Variants in TMEM114 observed in about 807,000 individuals in gnomAD.
TMEM114 encodes the protein transmembrane protein 114.
Under a neutral mutation model 6.2 loss-of-function variants are expected in TMEM114, and 6 were observed. The ratio of observed to expected loss-of-function variants is 0.97; its 90% CI spans 0.53 to 1.91. TMEM114 has a LOEUF of 1.91. Among genes scored for constraint, TMEM114 ranks in the 40% most tolerant of loss-of-function variants. The pLI, the probability that TMEM114 is intolerant of heterozygous loss-of-function variation, is 0.01. For missense variants in TMEM114, 218 were observed against 158.3 expected (o/e 1.38, Z -2.02); for synonymous variants, 104 against 73.0 (o/e 1.42, Z -2.16).
intron 2 of TMEM114, among the ~76,000 whole-genome samples, chr16:8,558,958 T>A (rs953235216): frequency 1.3e-5 from 2 of 151,826 alleles, no homozygotes; most frequent in Non-Finnish European, 2.9e-5. Context: ...TTAGCCAGGA[T>A]GGTCTCGATC....
At chr16:8,528,062 C>G in the TMEM114 span, among the ~76,000 whole-genome samples, 1 of 152,078 alleles carries the variant, frequency 6.6e-6, no homozygotes, top group African/African-American at 2.4e-5. Flanking sequence ...GCATGTGCCA[C>G]CATGCCCGGC....
intron 2 of TMEM114, among the ~76,000 whole-genome samples, chr16:8,580,885 T>C (rs1180558356): frequency 2.0e-5 from 3 of 152,072 alleles, no homozygotes; most frequent in African/African-American, 7.2e-5. Flanking sequence ...AGAGACAGCG[T>C]TTCACCATGT....
At chr16:8,580,749 G>A (rs1459184447) in intron 2 of TMEM114, among the ~76,000 whole-genome samples, 1 of 152,022 alleles carries the variant, frequency 6.6e-6, no homozygotes, top group Admixed American at 6.6e-5. Flanking sequence ...GAAGTGCCGT[G>A]GGCCTTATCT....
rs945850063 is a variant in TMEM114, at chr16:8,589,467, G to A, written c.220+152C>T. Among the ~76,000 whole-genome samples, 101 of 152,298 alleles carry A rather than the reference G, an allele frequency of 6.6e-4. No homozygotes were observed. The Middle Eastern group carries it at 0.014, about 21-fold the overall frequency. On this transcript the variant is annotated intron_variant, in intron 1 of 3. Transcript: ENST00000620492. ...CTCTCGGAAGGGTTTTCGCAGTCCC[G>A]GCCTTCTGCTCACCTTCCCCCCGAG...
downstream of TMEM114, among the ~76,000 whole-genome samples, chr16:8,568,424 G>C (rs943393368): frequency 2.6e-5 from 4 of 152,040 alleles, no homozygotes; most frequent in African/African-American, 9.7e-5. Context: ...GTGTCATGTC[G>C]TTGTGGTGGT....
At chr16:8,568,816 T>C (rs1280911072), downstream of TMEM114, among the ~76,000 whole-genome samples, 1 of 152,170 alleles carries the variant, frequency 6.6e-6, no homozygotes, top group Non-Finnish European at 1.5e-5. Context: ...ACACCAGCCC[T>C]AGAGAATATC....
chr16:8,577,432 T>C (rs1468340777), intron 2 of TMEM114, among the ~76,000 whole-genome samples: 3 of 152,166 alleles, frequency 2.0e-5, no homozygotes, highest in Non-Finnish European at 4.4e-5. Context: ...AGCCAGACAC[T>C]CTTACTCACC....
chr16:8,579,315 G>T (rs987669525), intron 2 of TMEM114, among the ~76,000 whole-genome samples: 2 of 152,102 alleles, frequency 1.3e-5, no homozygotes, highest in Non-Finnish European at 2.9e-5. Flanking sequence ...AAAGAAGAAG[G>T]TCCCAGGATC....
At chr16:8,582,794 G>T (rs1202948494) in intron 2 of TMEM114, among the ~76,000 whole-genome samples, 2 of 152,194 alleles carry the variant, frequency 1.3e-5, no homozygotes, top group Non-Finnish European at 2.9e-5. Context: ...GAAGGCTGAG[G>T]CAGGAGGCTC....
chr16:8,549,447 C>A (rs1900774720), intron 2 of TMEM114, among the ~76,000 whole-genome samples: 1 of 144,962 alleles, frequency 6.9e-6, no homozygotes, highest in Non-Finnish European at 1.5e-5. Flanking sequence ...TTGCAGTGAG[C>A]CACGATTGAG....
At chr16:8,539,459 G>A (rs1408029997) in intron 2 of TMEM114, among the ~76,000 whole-genome samples, 2 of 152,126 alleles carry the variant, frequency 1.3e-5, no homozygotes, top group African/African-American at 2.4e-5. Context: ...CCAGAGGAGG[G>A]CTCTGCCTCC....
At chr16:8,572,265 C>G (rs1278933939) in intron 2 of TMEM114, 41 bp from the exon 3 acceptor site, 3 of 1,550,760 alleles carry the variant, frequency 1.9e-6, no homozygotes, top group African/African-American at 2.7e-5. Context: ...AGGACAGTTA[C>G]TAACATCCTT....
chr16:8,557,486 C>G (rs1033535338), intron 2 of TMEM114, among the ~76,000 whole-genome samples: 1 of 152,204 alleles, frequency 6.6e-6, no homozygotes, highest in African/African-American at 2.4e-5. Context: ...GAGGACAAAC[C>G]ACAATCGCCC....
Position 8,589,262 on chromosome 16 carries a change from G to A in TMEM114, c.252C>T (p.Pro84=), listed in dbSNP as rs1323694690. The A allele has an allele frequency of 2.5e-5, 10 of 398,872 alleles. No individual in the cohort carries two copies. The South Asian group carries it at 7.6e-4, about 30-fold the overall frequency. The allele number at this position is 398,872 out of a possible 1,614,324, so 24.7% of individuals were successfully genotyped here. A position where few individuals can be genotyped will look rare whatever the true frequency, so the allele number is the denominator to read the frequency against. The change falls in exon 2 of 4, where the codon CCC becomes CCT. Residue 84 remains proline, a synonymous_variant. Coordinates refer to ENST00000620492, the MANE Select transcript of TMEM114 (RefSeq NM_001146336.2). ...VQSPCTPLMN[P]FRLENVTVSE... The stretch of plus-strand genomic sequence containing the variant: ...TGACTGTCACGTTCTCCAGCCTGAA[G>A]GGGTTCATCAGCGGTGTGCACGGGC...
chr16:8,544,946 CT>C (rs937021299), intron 2 of TMEM114, among the ~76,000 whole-genome samples: 4 of 152,038 alleles, frequency 2.6e-5, no homozygotes, highest in African/African-American at 9.7e-5. Flanking sequence ...CTCTCTCCAC[CT>C]CCCCCCAACC....
chr16:8,571,597 A>T (rs971016199), intron 3 of TMEM114, among the ~76,000 whole-genome samples: 4 of 19,986 alleles, frequency 2.0e-4, no homozygotes, highest in African/African-American at 7.4e-4. Context: ...CCCTGCCCCC[A>T]CCCCCAGCCT....
chr16:8,556,906 C>T (rs1359583205), intron 2 of TMEM114, among the ~76,000 whole-genome samples: 2 of 152,174 alleles, frequency 1.3e-5, no homozygotes, highest in African/African-American at 4.8e-5. Flanking sequence ...TCCCTGTGGC[C>T]TTCCGTAATG....
chr16:8,557,247 C>G (rs867524669), intron 2 of TMEM114, among the ~76,000 whole-genome samples: 30 of 152,136 alleles, frequency 2.0e-4, no homozygotes, highest in African/African-American at 6.3e-4. Flanking sequence ...GACTAGGTCA[C>G]AAAAGGTAAC....
rs1461249723 is a variant in TMEM114, at chr16:8,589,273, G to C, written c.241C>G (p.Leu81Val). The C allele has an allele frequency of 5.0e-6, 2 of 398,700 alleles. No homozygotes were observed. Among genetic ancestry groups the C allele is most frequent in the African/African-American group, 2.1e-5 (1 of 48,650 alleles). 24.7% of individuals were successfully genotyped at this position (398,700 alleles called of 1,614,324 possible). A position where few individuals can be genotyped will look rare whatever the true frequency, so the allele number is the denominator to read the frequency against. ...TTCTCCAGCCTGAAGGGGTTCATCA[G>C]CGGTGTGCACGGGCTCTGCACTGGA... ...TCRVQSPCTPLMNPFRLENVT... is the reference protein window; with the variant it reads ...TCRVQSPCTPVMNPFRLENVT... Residue 81 changes from leucine to valine, a missense_variant, in exon 2 of 4, where the codon CTG becomes GTG. Coordinates refer to ENST00000620492, the MANE Select transcript of TMEM114 (RefSeq NM_001146336.2).
Sources: gnomAD v4.1 joint callset for allele counts (sites outside exome capture counted in the v4.1 genomes callset) on GRCh38, gnomAD v4.1.1 for gene constraint, MANE v1.5 for transcripts, NCBI Gene and HGNC (gene_info 2026-07-23, HGNC 2026-07-21) for gene names.